BTRC: variants seen among roughly 807,000 people sequenced by gnomAD.
The protein encoded by BTRC is beta-transducin repeat containing E3 ubiquitin protein ligase.
A neutral mutation model predicts 85.5 loss-of-function variants in BTRC; 42 were observed. The ratio of observed to expected loss-of-function variants is 0.49; its 90% CI spans 0.38 to 0.64. BTRC has a LOEUF of 0.64. BTRC is among the 30% of genes least tolerant of loss of function. BTRC has a pLI of 0.00. For synonymous variants in BTRC, 255 were observed against 263.3 expected (o/e 0.97, Z 0.30); for missense variants, 594 against 743.5 (o/e 0.80, Z 2.34).
chr10:101,459,161 A>G (rs1945156698), intron 2 of BTRC, among the ~76,000 whole-genome samples: 2 of 152,212 alleles, frequency 1.3e-5, no homozygotes. Context: ...ATCCTTAAAT[A>G]GAATTTATTG....
intron 1 of BTRC, among the ~76,000 whole-genome samples, chr10:101,402,000 C>T (rs1421169720): frequency 6.6e-6 from 1 of 152,058 alleles, no homozygotes; most frequent in Non-Finnish European, 1.5e-5. Context: ...CTTTTAAGAT[C>T]TGTTGTTTTC....
At position 101,526,127 on chromosome 10, in the gene BTRC, T is replaced by C; in HGVS notation, c.671T>C (p.Leu224Pro). ...TACCGAGTGACCTCTGATGGCATGC[T>C]GTGGAAGAAGCTTATCGAGAGAATG... The part of the protein sequence containing the change: ...EWYRVTSDGM[L>P]WKKLIERMVR... The change falls in exon 6 of 15, where the codon CTG (leucine) becomes CCG (proline). Residue 224 changes from leucine (L) to proline (P), a missense_variant. Physicochemically the swap from Leu to Pro is moderately conservative, Grantham distance 98. Around this residue, in one of 4 missense-constraint regions of BTRC, gnomAD observed 373 missense variants for 503.6 expected, o/e 0.74. Coordinates refer to ENST00000370187, the MANE Select transcript of BTRC (RefSeq NM_033637.4). 3 of 1,614,162 alleles carry C rather than the reference T, an allele frequency of 1.9e-6. No individual in the cohort carries two copies. The highest frequency in any genetic ancestry group is 2.5e-6 in the Non-Finnish European group (3 of 1,180,030).
At chr10:101,403,268 G>C (rs1470172870) in intron 1 of BTRC, among the ~76,000 whole-genome samples, 2 of 152,138 alleles carry the variant, frequency 1.3e-5, no homozygotes, top group African/African-American at 4.8e-5. Flanking sequence ...GTATTTTAAG[G>C]GTACAGAGAT....
Position 101,473,672 on chromosome 10 carries a change from T to C in BTRC, c.235-5696T>C, listed in dbSNP as rs531797011. Among the ~76,000 whole-genome samples the C allele has an allele frequency of 7.2e-5, 11 of 152,122 alleles. No homozygotes were observed. In the South Asian group the frequency reaches 1.9e-3, roughly 26 times the overall value. ...TTTTGGTAGAGATGGGGTTTCACCA[T>C]GTTTGCTAGGCTGGTCTCAAACTCC... On this transcript the variant is annotated intron_variant, in intron 3 of 14. Coordinates refer to ENST00000370187, the MANE Select transcript of BTRC (RefSeq NM_033637.4).
At chr10:101,438,312 C>G (rs1944586058) in intron 2 of BTRC, among the ~76,000 whole-genome samples, 1 of 151,150 alleles carries the variant, frequency 6.6e-6, no homozygotes, top group African/African-American at 2.4e-5. Flanking sequence ...GTAGTCCCAG[C>G]TCCTCGGGAG....
At chr10:101,534,998 T>C (rs1221012513) in intron 10 of BTRC, 88 bp downstream of exon 10, 9 of 1,435,332 alleles carry the variant, frequency 6.3e-6, no homozygotes, top group Non-Finnish European at 9.7e-7. Flanking sequence ...TATTTAAACG[T>C]TGCTACAGAA....
intron 13 of BTRC, among the ~76,000 whole-genome samples, chr10:101,546,283 A>G (rs189833064): frequency 3.7e-5 from 4 of 108,884 alleles, no homozygotes; most frequent in Admixed American, 3.6e-4. Flanking sequence ...ATGCTCTCAG[A>G]TTACAGTGGT....
chr10:101,556,881 T>G lies in BTRC; in HGVS notation c.*3758T>G, dbSNP rs1339666168. On this transcript the variant is annotated 3_prime_UTR_variant, in exon 15 of 15. Transcript: ENST00000370187. ...TCTTAGCTCCTGATTGGTTGTGTGT[T>G]TTATTAAGGATCAGTGCAGTTAAGT... The G allele has an allele frequency of 6.6e-6, 1 of 152,238 alleles. No individual in the cohort carries two copies. The highest frequency in any genetic ancestry group is 2.4e-5 in the African/African-American group (1 of 41,450). 9.4% of individuals were successfully genotyped at this position (152,238 alleles called of 1,614,324 possible).
chr10:101,425,927 G>A (rs1423057759), intron 1 of BTRC, among the ~76,000 whole-genome samples: 1 of 152,102 alleles, frequency 6.6e-6, no homozygotes, highest in Non-Finnish European at 1.5e-5. Flanking sequence ...AAAACTATGT[G>A]CTTTTCAGGT....
At chr10:101,366,902 A>ATATATTTATG (rs1942429091) in intron 1 of BTRC, among the ~76,000 whole-genome samples, 3 of 38,420 alleles carry the variant, frequency 7.8e-5, no homozygotes, top group African/African-American at 1.0e-4. Context: ...ATATATTTAT[A>ATATATTTATG]TATATTAATA....
At chr10:101,376,083 C>T (rs538492558) in intron 1 of BTRC, among the ~76,000 whole-genome samples, 4 of 152,150 alleles carry the variant, frequency 2.6e-5, no homozygotes, top group East Asian at 1.9e-4. Context: ...CCTAGCACTT[C>T]GGGAGGCTGA....
At chr10:101,362,145 G>A (rs1316291874) in intron 1 of BTRC, among the ~76,000 whole-genome samples, 1 of 151,586 alleles carries the variant, frequency 6.6e-6, no homozygotes, top group East Asian at 2.0e-4. Context: ...GTTTTTAGTA[G>A]GGATGGGGTT....
chr10:101,366,838 ATT>A (rs1466290636), intron 1 of BTRC, among the ~76,000 whole-genome samples: 3 of 62,988 alleles, frequency 4.8e-5, no homozygotes, highest in East Asian at 5.5e-4. Context: ...ATTTATATAT[ATT>A]TATGTATATT....
At chr10:101,405,313 G>A (rs1208528334) in intron 1 of BTRC, among the ~76,000 whole-genome samples, 1 of 152,046 alleles carries the variant, frequency 6.6e-6, no homozygotes, top group South Asian at 2.1e-4. Context: ...CCTCTGATCA[G>A]AGAGGAAGGT....
intron 2 of BTRC, among the ~76,000 whole-genome samples, chr10:101,460,484 A>G (rs1015822392): frequency 6.6e-6 from 1 of 152,158 alleles, no homozygotes; most frequent in Non-Finnish European, 1.5e-5. Context: ...GTAATATAGC[A>G]TGCTTTTTCT....
chr10:101,549,639 G>A (rs1347864939), intron 13 of BTRC, among the ~76,000 whole-genome samples: 3 of 146,486 alleles, frequency 2.0e-5, no homozygotes, highest in South Asian at 2.2e-4. Flanking sequence ...GCGTGAACCC[G>A]GGAGGCAGAG....
intron 3 of BTRC, among the ~76,000 whole-genome samples, chr10:101,476,528 A>G (rs1218925730): frequency 6.6e-6 from 1 of 151,692 alleles, no homozygotes; most frequent in Non-Finnish European, 1.5e-5. Context: ...CTGGAGTGCA[A>G]TGGCATAATC....
rs576382624 is a variant in BTRC at position 101,542,576 on chromosome 10, C to T, written c.1656+4205C>T. Among the ~76,000 whole-genome samples, 15 of 152,182 alleles carry T rather than the reference C, an allele frequency of 9.9e-5. 2 individuals carry two copies. The South Asian group carries it at 2.9e-3, about 29-fold the overall frequency. ...CTTACAGTTGTGACAGCTTTTGCTTCGTGGTTTTTGTTTGAGACAGGGTAT... is the reference window on the plus strand; with the variant it reads ...CTTACAGTTGTGACAGCTTTTGCTTTGTGGTTTTTGTTTGAGACAGGGTAT... On this transcript the variant is annotated intron_variant, in intron 13 of 14. Coordinates refer to ENST00000370187, the MANE Select transcript of BTRC (RefSeq NM_033637.4).
intron 3 of BTRC, among the ~76,000 whole-genome samples, chr10:101,465,559 G>A (rs754627738): frequency 5.9e-5 from 9 of 152,130 alleles, no homozygotes; most frequent in Non-Finnish European, 1.0e-4. Context: ...GAAGGGACAT[G>A]TGGTTTTACT....
Sources: gnomAD v4.1 joint callset for allele counts (sites outside exome capture counted in the v4.1 genomes callset) on GRCh38, gnomAD v4.1.1 for gene constraint, gnomAD v4.1.1 regional missense constraint, MANE v1.5 for transcripts, NCBI Gene and HGNC (gene_info 2026-07-23, HGNC 2026-07-21) for gene names.